Variants in RIC8B observed in about 807,000 individuals in gnomAD.
RIC8B encodes RIC8 guanine nucleotide exchange factor B.
RIC8B carries 16 observed loss-of-function variants against 57.5 expected under a neutral mutation model. That is an observed-to-expected ratio of 0.28 (90% CI 0.19 to 0.42). The LOEUF (loss-of-function observed/expected upper bound fraction) is 0.42, where lower values mean the gene tolerates loss of function less well. Ranked by LOEUF, RIC8B falls within the 10% of genes least tolerant of loss-of-function variation. The pLI, the probability that RIC8B is intolerant of heterozygous loss-of-function variation, is 1.00. For missense variants in RIC8B, 481 were observed against 677.0 expected, an observed-to-expected ratio of 0.71 and a Z score of 3.21; for synonymous variants, 216 against 250.8, an observed-to-expected ratio of 0.86 and a Z score of 1.31.
At chr12:106,776,478 A>G (rs911997334) in intron 1 of RIC8B, among the ~76,000 whole-genome samples, 6 of 152,262 alleles carry the variant, frequency 3.9e-5, no homozygotes, top group Non-Finnish European at 8.8e-5. Context: ...CCAGATACCC[A>G]GCAATAAATA....
chr12:106,864,070 G>A (rs973840433), intron 8 of RIC8B, among the ~76,000 whole-genome samples: 2 of 152,018 alleles, frequency 1.3e-5, no homozygotes, highest in African/African-American at 4.8e-5. Flanking sequence ...TCTTTCTATT[G>A]CAAATGTAAT....
intron 9 of RIC8B, among the ~76,000 whole-genome samples, chr12:106,882,475 C>CTTATTA (rs144970948): frequency 1.5e-4 from 22 of 151,666 alleles, no homozygotes; most frequent in Admixed American, 1.3e-4. Context: ...TTTGGTCTAC[C>CTTATTA]TTATTATTAT....
At chr12:106,785,178 T>C (rs2043947846) in intron 2 of RIC8B, among the ~76,000 whole-genome samples, 1 of 152,242 alleles carries the variant, frequency 6.6e-6, no homozygotes, top group Admixed American at 6.5e-5. Flanking sequence ...TTATTTCTTT[T>C]CTCTCCCTTG....
intron 9 of RIC8B, 68 bp from the exon 10 acceptor site, chr12:106,885,836 G>A: frequency 1.0e-6 from 1 of 963,600 alleles, no homozygotes; most frequent in Non-Finnish European, 1.6e-6. Flanking sequence ...GATTTGGGTG[G>A]GGGGGAGGGG....
intron 2 of RIC8B, among the ~76,000 whole-genome samples, chr12:106,814,087 G>A (rs1045132834): frequency 5.3e-5 from 8 of 152,184 alleles, no homozygotes; most frequent in African/African-American, 1.9e-4. Flanking sequence ...TCCACAGTCT[G>A]AGCTTTCCAA....
chr12:106,864,151 T>G (rs1950045461), intron 8 of RIC8B, among the ~76,000 whole-genome samples: 1 of 152,172 alleles, frequency 6.6e-6, no homozygotes, highest in African/African-American at 2.4e-5. Flanking sequence ...GTGTATCATT[T>G]ATATGGTAAT....
rs1447709939 is a variant in RIC8B, at chr12:106,824,106, C to T, written c.742-1620C>T. On this transcript the variant is annotated intron_variant, in intron 3 of 9. Transcript: ENST00000392837. The stretch of plus-strand genomic sequence containing the variant: ...GTAGTCCTCTTTGTTTTTCCCCTTT[C>T]CCCCTACAATGATTTATCATTTGTT... 3.9e-5 allele frequency among the ~76,000 whole-genome samples: 6 copies of T among 152,240 alleles called. No individual in the cohort carries two copies. The South Asian group carries it at 1.2e-3, about 32-fold the overall frequency.
chr12:106,810,887 C>T (rs569400234), intron 2 of RIC8B, among the ~76,000 whole-genome samples: 1 of 152,268 alleles, frequency 6.6e-6, no homozygotes, highest in South Asian at 2.1e-4. Context: ...TCATTTAATT[C>T]TTGCAGTAAA....
At chr12:106,784,113 T>C (rs1566030973) in intron 2 of RIC8B, 69 bp downstream of exon 2, 1 of 1,384,338 alleles carries the variant, frequency 7.2e-7, no homozygotes, top group East Asian at 2.3e-5. Flanking sequence ...TTCTAAGCAG[T>C]GGTCATGTTT....
chr12:106,848,928 A>G (rs376756094), intron 6 of RIC8B, among the ~76,000 whole-genome samples: 1 of 152,160 alleles, frequency 6.6e-6, no homozygotes, highest in East Asian at 1.9e-4. Flanking sequence ...CTGCTGTACA[A>G]CATTGTACCT....
At chr12:106,881,671 A>G (rs1177288388) in intron 9 of RIC8B, among the ~76,000 whole-genome samples, 1 of 152,202 alleles carries the variant, frequency 6.6e-6, no homozygotes, top group African/African-American at 2.4e-5. Flanking sequence ...TTGCAAATGA[A>G]ATAGTCCCAG....
intron 7 of RIC8B, among the ~76,000 whole-genome samples, chr12:106,854,894 A>G (rs1949650966): frequency 6.6e-6 from 1 of 152,220 alleles, no homozygotes. Flanking sequence ...TGCCAGGCCC[A>G]ACGGTATCTC....
At chr12:106,865,856 G>A (rs1950117347) in intron 8 of RIC8B, among the ~76,000 whole-genome samples, 2 of 152,140 alleles carry the variant, frequency 1.3e-5, no homozygotes, top group South Asian at 4.1e-4. Context: ...TCTTTACTAT[G>A]TGTCAGGCAC....
intron 4 of RIC8B, among the ~76,000 whole-genome samples, chr12:106,841,273 T>C (rs954405876): frequency 6.6e-6 from 1 of 152,200 alleles, no homozygotes; most frequent in African/African-American, 2.4e-5. Flanking sequence ...TATTTTTTGC[T>C]CTTGATTCAT....
At chr12:106,833,756 C>T (rs1187226885) in intron 4 of RIC8B, among the ~76,000 whole-genome samples, 1 of 151,940 alleles carries the variant, frequency 6.6e-6, no homozygotes, top group Non-Finnish European at 1.5e-5. Context: ...ATATTTTGTC[C>T]CCACCAAATC....
chr12:106,797,385 A>T (rs1382636530), intron 2 of RIC8B, among the ~76,000 whole-genome samples: 7 of 152,228 alleles, frequency 4.6e-5, no homozygotes, highest in Non-Finnish European at 1.0e-4. Flanking sequence ...TACACGAAAG[A>T]TACCAGACAC....
chr12:106,887,488 G>A lies in RIC8B; in HGVS notation c.*1473G>A, dbSNP rs540134341. 8.5e-5 allele frequency: 13 copies of A among 152,234 alleles called. No homozygotes were observed. The highest frequency in any genetic ancestry group is 6.2e-4 in the South Asian group (3 of 4,822). 9.4% of individuals were successfully genotyped at this position (152,234 alleles called of 1,614,324 possible). On this transcript the variant is annotated 3_prime_UTR_variant, in exon 10 of 10. Coordinates refer to ENST00000392837, the MANE Select transcript of RIC8B (RefSeq NM_001330145.2). ...GCAAAGCAAAAAAATCAGGAATTAC[G>A]TCTTAAAGGCCTTTCAGCTGCCAGA...
At chr12:106,802,865 G>A (rs2044800540) in intron 2 of RIC8B, among the ~76,000 whole-genome samples, 1 of 151,918 alleles carries the variant, frequency 6.6e-6, no homozygotes, top group Non-Finnish European at 1.5e-5. Flanking sequence ...GTTAATAGGT[G>A]TTATTTTTTG....
At chr12:106,854,703 C>T (rs532387391) in intron 7 of RIC8B, among the ~76,000 whole-genome samples, 32 of 152,232 alleles carry the variant, frequency 2.1e-4, no homozygotes, top group African/African-American at 7.7e-4. Flanking sequence ...AGGGGAGAAT[C>T]ACTTGAACCC....
Sources: gnomAD v4.1 joint callset for allele counts (sites outside exome capture counted in the v4.1 genomes callset) on GRCh38, gnomAD v4.1.1 for gene constraint, MANE v1.5 for transcripts, NCBI Gene and HGNC (gene_info 2026-07-23, HGNC 2026-07-21) for gene names.